The following GRIA3 variants were observed in gnomAD, a reference collection of about 807,000 sequenced individuals.
GRIA3 encodes the protein glutamate receptor 3.
A neutral mutation model predicts 63.0 loss-of-function variants in GRIA3; 3 were observed. The ratio of observed to expected loss-of-function variants is 0.05; its 90% CI spans 0.02 to 0.12. The LOEUF (loss-of-function observed/expected upper bound fraction) is 0.12. Ranked by LOEUF, GRIA3 falls within the 10% of genes least tolerant of loss-of-function variation. GRIA3 has a pLI of 1.00. For synonymous variants in GRIA3, 274 were observed against 257.9 expected (o/e 1.06, Z -0.60); for missense variants, 347 against 700.9 (o/e 0.50, Z 5.70).
At chrX:123,277,984 G>C (rs748795346) in intron 3 of GRIA3, among the ~76,000 whole-genome samples, 54 of 111,973 alleles carry the variant, frequency 4.8e-4, no homozygotes, top group African/African-American at 1.8e-3. Flanking sequence ...TTCGAATCAA[G>C]CTTTGACTCA....
At chrX:123,462,801 C>T (rs1474123608) in intron 12 of GRIA3, among the ~76,000 whole-genome samples, 1 of 111,663 alleles carries the variant, frequency 9.0e-6, no homozygotes, top group Non-Finnish European at 1.9e-5. Context: ...CACAAAAAGA[C>T]ATTTGAAAAC....
chrX:123,361,628 C>A (rs908233684), intron 5 of GRIA3, among the ~76,000 whole-genome samples: 11 of 111,576 alleles, frequency 9.9e-5, no homozygotes, highest in African/African-American at 2.9e-4. Flanking sequence ...CTTAAAGTTG[C>A]GAACTCTGAG....
At chrX:123,291,780 A>G (rs1017196348) in intron 3 of GRIA3, among the ~76,000 whole-genome samples, 2 of 110,515 alleles carry the variant, frequency 1.8e-5, no homozygotes, top group African/African-American at 3.3e-5. Flanking sequence ...GAAACAAAGT[A>G]TCTAGCTGGG....
chrX:123,368,046 A>G (rs2045223940), intron 5 of GRIA3, among the ~76,000 whole-genome samples: 2 of 111,829 alleles, frequency 1.8e-5, no homozygotes, highest in African/African-American at 6.5e-5. Context: ...ACTTCTACTC[A>G]CAACAGCATT....
chrX:123,350,116 A>G (rs1025517642), intron 4 of GRIA3, among the ~76,000 whole-genome samples: 17 of 111,902 alleles, frequency 1.5e-4, no homozygotes, highest in African/African-American at 5.5e-4. Flanking sequence ...TTAAAGAGAA[A>G]GTATTCATAC....
intron 4 of GRIA3, 22 bp from the exon 5 acceptor site, chrX:123,354,888 G>A: frequency 8.7e-7 from 1 of 1,143,066 alleles, no homozygotes; most frequent in Non-Finnish European, 1.2e-6. Context: ...TAAGCAATAT[G>A]TCTTATTTCT....
chrX:123,233,529 G>C (rs2044286430), intron 2 of GRIA3, among the ~76,000 whole-genome samples: 1 of 111,285 alleles, frequency 9.0e-6, no homozygotes, highest in South Asian at 3.8e-4. Flanking sequence ...AAGCCTTCAT[G>C]ACTAACACAC....
At chrX:123,190,845 T>G (rs759947762) in intron 2 of GRIA3, among the ~76,000 whole-genome samples, 8 of 112,302 alleles carry the variant, frequency 7.1e-5, no homozygotes, top group African/African-American at 1.6e-4. Flanking sequence ...CTTTTTGTTA[T>G]GTTTTTGGCT....
chrX:123,200,296 A>C (rs999092778), intron 2 of GRIA3, among the ~76,000 whole-genome samples: 69 of 110,496 alleles, frequency 6.2e-4, no homozygotes, highest in Non-Finnish European at 1.2e-3. Context: ...CAAACAAAAA[A>C]CTTCAAAAAT....
chrX:123,457,916 G>A (rs1351138850), intron 12 of GRIA3, among the ~76,000 whole-genome samples: 1 of 111,201 alleles, frequency 9.0e-6, no homozygotes, highest in African/African-American at 3.3e-5. Flanking sequence ...CACATTTTAG[G>A]AGGGACTTTA....
At chrX:123,372,613 G>A (rs1405800234) in intron 5 of GRIA3, among the ~76,000 whole-genome samples, 1 of 111,161 alleles carries the variant, frequency 9.0e-6, no homozygotes, top group Non-Finnish European at 1.9e-5. Context: ...TCATTTCCTA[G>A]GTATGTAACT....
At chrX:123,253,244 A>G in intron 2 of GRIA3, 59 bp from the exon 3 acceptor site, 1 of 1,179,744 alleles carries the variant, frequency 8.5e-7, no homozygotes, top group South Asian at 1.8e-5. Context: ...TTCTAACCCT[A>G]CAAGTTGCAG....
At chrX:123,228,150 G>A (rs2044257682) in intron 2 of GRIA3, among the ~76,000 whole-genome samples, 1 of 111,752 alleles carries the variant, frequency 8.9e-6, no homozygotes, top group African/African-American at 3.3e-5. Context: ...CCTCTCAGCA[G>A]CCAACTCCAT....
intron 4 of GRIA3, 25 bp from the exon 5 acceptor site, chrX:123,354,885 T>C (rs753229832): frequency 4.1e-5 from 47 of 1,132,805 alleles, no homozygotes; most frequent in Non-Finnish European, 5.3e-5. Context: ...GAATAAGCAA[T>C]ATGTCTTATT....
chrX:123,314,126 G>A lies in GRIA3; in HGVS notation c.509-11900G>A, dbSNP rs987291868. Among the ~76,000 whole-genome samples, 8 of 112,011 alleles carry A rather than the reference G, an allele frequency of 7.1e-5. No homozygotes were observed. The East Asian group carries it at 8.4e-4, about 12-fold the overall frequency. ...TCTCTGCCCCGGGTATCTATAAAGT[G>A]CTTACTAACATCCATGTCACTCACT... On this transcript the variant is annotated intron_variant, in intron 3 of 15. Coordinates refer to ENST00000620443, the MANE Select transcript of GRIA3 (RefSeq NM_007325.5).
intron 5 of GRIA3, among the ~76,000 whole-genome samples, chrX:123,382,158 T>G (rs1043880217): frequency 6.2e-5 from 7 of 112,160 alleles, no homozygotes. Context: ...GATCTTTCCT[T>G]TCATCTCCCT....
intron 14 of GRIA3, 124 bp from the exon 15 acceptor site, chrX:123,482,675 T>C: frequency 5.0e-6 from 4 of 802,209 alleles, no homozygotes; most frequent in South Asian, 2.2e-5. Context: ...AATTGAGTCA[T>C]AACACTTACA....
intron 12 of GRIA3, among the ~76,000 whole-genome samples, chrX:123,456,652 A>G (rs1392615632): frequency 9.0e-6 from 1 of 111,269 alleles, no homozygotes; most frequent in East Asian, 2.8e-4. Flanking sequence ...ATCCCATCAA[A>G]CATTAGAAGA....
chrX:123,230,669 T>C (rs1182016803), intron 2 of GRIA3, among the ~76,000 whole-genome samples: 1 of 111,717 alleles, frequency 9.0e-6, no homozygotes, highest in African/African-American at 3.3e-5. Flanking sequence ...GTGTAGGGCT[T>C]CCCAGCTGTC....
Sources: allele counts gnomAD v4.1 joint callset (sites outside exome capture counted in the v4.1 genomes callset), GRCh38; gene constraint gnomAD v4.1.1; transcripts MANE v1.5; gene names NCBI Gene and HGNC (gene_info 2026-07-23, HGNC 2026-07-21).